CUL1: variants seen among roughly 807,000 people sequenced by gnomAD.
CUL1 encodes cullin 1, also known as cullin-1.
CUL1 carries 24 observed loss-of-function variants against 118.0 expected under a neutral mutation model. The observed-to-expected ratio is 0.20, with a 90% confidence interval of 0.15 to 0.29. CUL1 has a LOEUF of 0.29. Ranked by LOEUF, CUL1 falls within the 10% of genes least tolerant of loss-of-function variation. CUL1 has a pLI of 1.00. For missense variants in CUL1, 361 were observed against 933.8 expected (o/e 0.39, Z 7.99); for synonymous variants, 332 against 340.4 (o/e 0.98, Z 0.27).
chr7:148,730,461 A>G (rs1020480024), intron 2 of CUL1, among the ~76,000 whole-genome samples, 199 bp downstream of exon 2: 2 of 152,220 alleles, frequency 1.3e-5, no homozygotes, highest in African/African-American at 2.4e-5. Context: ...TGGGCAGTAC[A>G]GTCACCACTG....
intron 2 of CUL1, 34 bp from the exon 3 acceptor site, chr7:148,753,942 T>G: frequency 1.3e-6 from 2 of 1,497,370 alleles, no homozygotes; most frequent in African/African-American, 1.4e-5. Context: ...TTAACGTCTG[T>G]GATATATGTT....
At chr7:148,762,092 C>T (rs148818535) in intron 7 of CUL1, among the ~76,000 whole-genome samples, 2 of 152,282 alleles carry the variant, frequency 1.3e-5, no homozygotes, top group African/African-American at 2.4e-5. Flanking sequence ...CCACAGCCAG[C>T]GATTGAGGAT....
chr7:148,741,176 C>T (rs1376317633), intron 2 of CUL1, among the ~76,000 whole-genome samples: 3 of 121,690 alleles, frequency 2.5e-5, no homozygotes, highest in Admixed American at 2.3e-4. Context: ...TGGGTTATTT[C>T]CAACTTTTTA....
chr7:148,769,668 T>C (rs1800144917), intron 9 of CUL1, among the ~76,000 whole-genome samples: 1 of 152,182 alleles, frequency 6.6e-6, no homozygotes, highest in African/African-American at 2.4e-5. Flanking sequence ...TTCATTTAAA[T>C]TGCTATATAC....
intron 1 of CUL1, among the ~76,000 whole-genome samples, chr7:148,699,706 G>T (rs981845765): frequency 1.3e-5 from 2 of 152,112 alleles, no homozygotes; most frequent in African/African-American, 2.4e-5. Context: ...GAGCGGGCCG[G>T]GGCATGCGCG....
Position 148,783,905 on chromosome 7 carries a change from G to A in CUL1, c.1191+15G>A, listed in dbSNP as rs1451446982. On this transcript the variant is annotated intron_variant, in intron 10 of 21. Coordinates refer to ENST00000325222, the MANE Select transcript of CUL1 (RefSeq NM_003592.3). ...CTCTTGATAAGGTAGGTGCGTGAGG[G>A]TTGTGACTTGCCTGTAGTATGTATG... 3.1e-6 allele frequency: 5 copies of A among 1,613,772 alleles called. No individual in the cohort carries two copies. The East Asian group carries it at 8.9e-5, about 29-fold the overall frequency.
intron 1 of CUL1, among the ~76,000 whole-genome samples, chr7:148,719,014 A>T (rs1798309718): frequency 6.6e-6 from 1 of 152,166 alleles, no homozygotes; most frequent in African/African-American, 2.4e-5. Flanking sequence ...AGTAGAGAGA[A>T]AACTTAGCTA....
At chr7:148,768,680 C>T (rs567058525) in intron 9 of CUL1, among the ~76,000 whole-genome samples, 2 of 152,164 alleles carry the variant, frequency 1.3e-5, no homozygotes, top group Non-Finnish European at 2.9e-5. Context: ...TCGTCACGTG[C>T]GGCCGAGAAG....
At chr7:148,792,870 C>G in intron 17 of CUL1, 52 bp downstream of exon 17, 2 of 1,309,190 alleles carry the variant, frequency 1.5e-6, no homozygotes, top group Non-Finnish European at 2.2e-6. Context: ...TCCTTGTTCT[C>G]GTGGATATTG....
chr7:148,771,033 G>C (rs1800191650), intron 9 of CUL1, among the ~76,000 whole-genome samples: 1 of 152,132 alleles, frequency 6.6e-6, no homozygotes. Flanking sequence ...TAGTGTACGA[G>C]AATCATTTAT....
At chr7:148,797,682 G>T (rs941218333) in intron 17 of CUL1, 130 bp from the exon 18 acceptor site, 13 of 691,142 alleles carry the variant, frequency 1.9e-5, no homozygotes, top group Non-Finnish European at 3.1e-5. Context: ...TTTCCTTCCA[G>T]CATACTCTTC....
chr7:148,773,193 T>C (rs1372077412), intron 9 of CUL1, among the ~76,000 whole-genome samples: 1 of 152,174 alleles, frequency 6.6e-6, no homozygotes, highest in Non-Finnish European at 1.5e-5. Flanking sequence ...CTTGTGATAA[T>C]ATAAATCATA....
At chr7:148,700,679 G>T (rs1797693890) in intron 1 of CUL1, among the ~76,000 whole-genome samples, 1 of 152,150 alleles carries the variant, frequency 6.6e-6, no homozygotes, top group Non-Finnish European at 1.5e-5. Context: ...GCCCATTTTT[G>T]GAGGTTTCAG....
intron 2 of CUL1, among the ~76,000 whole-genome samples, chr7:148,733,263 A>G (rs1798824415): frequency 6.6e-6 from 1 of 152,222 alleles, no homozygotes; most frequent in African/African-American, 2.4e-5. Flanking sequence ...TCTTCAATGT[A>G]TTAGGGTAGA....
chr7:148,698,825 A>AGGC (rs781357454), upstream of CUL1: 250 of 153,714 alleles, frequency 1.6e-3, no homozygotes, highest in Non-Finnish European at 2.7e-3. Context: ...TGCGTGGTGC[A>AGGC]GGCGGCGGCG....
At chr7:148,771,496 C>G (rs529335842) in intron 9 of CUL1, among the ~76,000 whole-genome samples, 1 of 152,152 alleles carries the variant, frequency 6.6e-6, no homozygotes. Context: ...CCCTCAGTGA[C>G]GTGAAACTGA....
intron 2 of CUL1, among the ~76,000 whole-genome samples, chr7:148,749,997 A>T (rs1396654156): frequency 6.6e-6 from 1 of 152,256 alleles, no homozygotes; most frequent in Non-Finnish European, 1.5e-5. Flanking sequence ...CAGTCACAGC[A>T]TTCCCTTAAG....
chr7:148,792,612 G>T (rs777798219), intron 16 of CUL1, 114 bp from the exon 17 acceptor site: 6 of 613,310 alleles, frequency 9.8e-6, no homozygotes, highest in Admixed American at 3.5e-5. Context: ...TTTTGTACTT[G>T]TTTAAAGAAT....
At chr7:148,754,978 T>A (rs1799610807) in intron 3 of CUL1, among the ~76,000 whole-genome samples, 1 of 152,192 alleles carries the variant, frequency 6.6e-6, no homozygotes, top group Admixed American at 6.5e-5. Context: ...GGTCTCCAAC[T>A]CCTGGGCTCA....
Sources: allele counts gnomAD v4.1 joint callset (sites outside exome capture counted in the v4.1 genomes callset), GRCh38; gene constraint gnomAD v4.1.1; transcripts MANE v1.5; gene names NCBI Gene and HGNC (gene_info 2026-07-23, HGNC 2026-07-21).